Variants in UBAC2 observed in about 807,000 individuals in gnomAD.
UBAC2 encodes the protein UBA domain containing 2.
In UBAC2, 26 loss-of-function variants were observed where a neutral mutation model predicts 44.0. The ratio of observed to expected loss-of-function variants is 0.59; its 90% CI spans 0.43 to 0.82. The LOEUF (loss-of-function observed/expected upper bound fraction) is 0.82, where lower values mean the gene tolerates loss of function less well. UBAC2 is among the 40% of genes least tolerant of loss of function. The pLI is 0.00. For synonymous variants in UBAC2, 155 were observed against 154.3 expected (o/e 1.00, Z -0.04); for missense variants, 329 against 419.4 (o/e 0.78, Z 1.88).
chr13:99,383,641 C>T (rs1017731705), intron 8 of UBAC2, among the ~76,000 whole-genome samples: 11 of 152,236 alleles, frequency 7.2e-5, no homozygotes, highest in Admixed American at 5.2e-4. Context: ...CGTCAGTCCC[C>T]GTGCTAAGGG....
At chr13:99,264,967 GTTT>G (rs34026571) in intron 4 of UBAC2, among the ~76,000 whole-genome samples, 1 of 135,198 alleles carries the variant, frequency 7.4e-6, no homozygotes. Context: ...TGCCATCGCT[GTTT>G]TTTTTTTTTT....
intron 8 of UBAC2, among the ~76,000 whole-genome samples, chr13:99,378,199 A>T (rs376958459): frequency 5.3e-5 from 8 of 152,192 alleles, no homozygotes; most frequent in African/African-American, 1.7e-4. Context: ...GGGTCAGTTA[A>T]TGAACAGCTG....
At chr13:99,239,694 G>A (rs574009378) in intron 2 of UBAC2, among the ~76,000 whole-genome samples, 1 of 152,184 alleles carries the variant, frequency 6.6e-6, no homozygotes, top group South Asian at 2.1e-4. Context: ...GATGGAAGAA[G>A]ACCACTCTTC....
chr13:99,268,106 G>T (rs2043766769), intron 4 of UBAC2, among the ~76,000 whole-genome samples: 1 of 152,180 alleles, frequency 6.6e-6, no homozygotes, highest in Non-Finnish European at 1.5e-5. Context: ...TGTCACTCCT[G>T]CTCCCAAACC....
intron 1 of UBAC2, among the ~76,000 whole-genome samples, chr13:99,219,743 A>G (rs957286345): frequency 2.6e-5 from 4 of 152,230 alleles, no homozygotes; most frequent in Admixed American, 6.5e-5. Flanking sequence ...ACTGTCCCTG[A>G]CAAACACTAA....
chr13:99,222,416 A>C (rs1194066940), intron 1 of UBAC2, among the ~76,000 whole-genome samples: 1 of 152,186 alleles, frequency 6.6e-6, no homozygotes, highest in African/African-American at 2.4e-5. Flanking sequence ...TAGCACACAT[A>C]AAGTGTGATG....
intron 7 of UBAC2, among the ~76,000 whole-genome samples, chr13:99,354,831 C>T (rs1473472683): frequency 1.3e-5 from 2 of 152,062 alleles, no homozygotes; most frequent in African/African-American, 2.4e-5. Flanking sequence ...TACTGGCAGT[C>T]ATGTCATCCA....
Position 99,244,589 on chromosome 13 carries a change from T to C in UBAC2, c.354T>C (p.Phe118=). 6.2e-7 allele frequency: 1 copy of C among 1,613,278 alleles called. No homozygotes were observed. The highest frequency in any genetic ancestry group is 8.5e-7 in the Non-Finnish European group (1 of 1,179,406). Residue 118 remains phenylalanine, a synonymous_variant, in exon 4 of 9, where the codon TTT becomes TTC. Transcript: ENST00000403766. ...FLLIEAMQYF[F]GITAASNLPS... ...TCATTGAAGCTATGCAGTATTTCTT[T>C]GGCATCACTGCAGCTAGTAATTTGC... is the stretch of plus-strand genomic sequence containing the variant.
At chr13:99,230,816 C>T (rs190144954) in intron 1 of UBAC2, among the ~76,000 whole-genome samples, 4 of 152,114 alleles carry the variant, frequency 2.6e-5, no homozygotes, top group African/African-American at 4.8e-5. Flanking sequence ...TTTGGGAGGC[C>T]GAGGCGGGTG....
intron 7 of UBAC2, among the ~76,000 whole-genome samples, chr13:99,355,393 C>T (rs2045162931): frequency 6.6e-6 from 1 of 152,180 alleles, no homozygotes; most frequent in Non-Finnish European, 1.5e-5. Context: ...GTGGCCCTTA[C>T]CGTCACCAGC....
At chr13:99,359,083 G>A (rs2045229269) in intron 7 of UBAC2, among the ~76,000 whole-genome samples, 2 of 152,124 alleles carry the variant, frequency 1.3e-5, no homozygotes, top group African/African-American at 2.4e-5. Context: ...AGGAGTGGGA[G>A]GAGGAGAATC....
chr13:99,345,967 C>G (rs766609415), intron 7 of UBAC2, among the ~76,000 whole-genome samples: 1 of 151,958 alleles, frequency 6.6e-6, no homozygotes, highest in Non-Finnish European at 1.5e-5. Context: ...GGTCTTGAAC[C>G]CCTGACCTCA....
At chr13:99,292,978 G>A (rs2044112528) in intron 4 of UBAC2, among the ~76,000 whole-genome samples, 1 of 152,144 alleles carries the variant, frequency 6.6e-6, no homozygotes, top group Non-Finnish European at 1.5e-5. Flanking sequence ...TAAATGTAAA[G>A]CTAACTAATA....
intron 4 of UBAC2, chr13:99,254,786 G>A (rs1186393892): frequency 1.0e-5 from 9 of 897,176 alleles, no homozygotes; most frequent in Non-Finnish European, 1.2e-5. Context: ...AAGAGAAAAG[G>A]GACTTGATAG....
At chr13:99,292,746 A>T (rs1398767347) in intron 4 of UBAC2, among the ~76,000 whole-genome samples, 1 of 150,754 alleles carries the variant, frequency 6.6e-6, no homozygotes, top group Non-Finnish European at 1.5e-5. Flanking sequence ...GTCAACTGCC[A>T]TAATAACGAT....
chr13:99,255,061 G>T (rs140120491), intron 4 of UBAC2: 2 of 1,614,102 alleles, frequency 1.2e-6, no homozygotes, highest in Non-Finnish European at 8.5e-7. Context: ...GAGGAAGGTG[G>T]TAAAGGCTCC....
intron 7 of UBAC2, among the ~76,000 whole-genome samples, chr13:99,361,208 A>G (rs1161090853): frequency 6.6e-6 from 1 of 152,236 alleles, no homozygotes; most frequent in African/African-American, 2.4e-5. Flanking sequence ...CAAACTAATA[A>G]TAAGTATTTC....
chr13:99,368,682 T>TGA (rs199687530), intron 8 of UBAC2, among the ~76,000 whole-genome samples: 1,491 of 119,126 alleles, frequency 0.013, 18 homozygotes, highest in African/African-American at 0.014. Flanking sequence ...CGTAAACTCA[T>TGA]GAGAGAGTGT....
At chr13:99,206,398 G>A (rs928672992) in intron 1 of UBAC2, among the ~76,000 whole-genome samples, 1 of 152,190 alleles carries the variant, frequency 6.6e-6, no homozygotes, top group Non-Finnish European at 1.5e-5. Context: ...GAGGAGTTGC[G>A]TCTCTTCCCC....
Sources: gnomAD v4.1 joint callset for allele counts (sites outside exome capture counted in the v4.1 genomes callset) on GRCh38, gnomAD v4.1.1 for gene constraint, MANE v1.5 for transcripts, NCBI Gene and HGNC (gene_info 2026-07-23, HGNC 2026-07-21) for gene names.